WWOX: variants seen among roughly 807,000 people sequenced by gnomAD.
WWOX encodes the protein WW domain containing oxidoreductase, also known as WW domain-containing oxidoreductase.
A neutral mutation model predicts 46.2 loss-of-function variants in WWOX; 69 were observed. The observed-to-expected ratio is 1.49, with a 90% CI of 1.23 to 1.82. The LOEUF (loss-of-function observed/expected upper bound fraction) is 1.82, where lower values mean the gene tolerates loss of function less well. Ranked by LOEUF, WWOX falls within the 40% of genes most tolerant of loss-of-function variation. The probability of loss-of-function intolerance (pLI) is 0.00; values close to 1 mark genes in which losing one functional copy is unlikely to be tolerated. For missense variants in WWOX, 919 were observed against 542.6 expected, an observed-to-expected ratio of 1.69 and a Z score of -6.89; for synonymous variants, 359 against 202.6, an observed-to-expected ratio of 1.77 and a Z score of -6.56.
chr16:78,277,502 T>C (rs1199875833), intron 5 of WWOX, among the ~76,000 whole-genome samples: 2 of 151,450 alleles, frequency 1.3e-5, no homozygotes, highest in Admixed American at 6.6e-5. Flanking sequence ...CTGGGACAAA[T>C]AGAGGGAATA....
intron 8 of WWOX, among the ~76,000 whole-genome samples, chr16:79,157,826 G>C (rs1315328415): frequency 1.3e-5 from 2 of 152,200 alleles, no homozygotes; most frequent in Non-Finnish European, 2.9e-5. Flanking sequence ...GGTTCTGTGG[G>C]GAGGACTGAA....
chr16:78,733,979 G>A (rs561544864), intron 8 of WWOX, among the ~76,000 whole-genome samples: 1 of 151,888 alleles, frequency 6.6e-6, no homozygotes, highest in East Asian at 2.0e-4. Context: ...AGGATCCTCT[G>A]CACCCAGGTA....
At chr16:78,742,255 T>G (rs1002221186) in intron 8 of WWOX, among the ~76,000 whole-genome samples, 2 of 152,194 alleles carry the variant, frequency 1.3e-5, no homozygotes, top group African/African-American at 4.8e-5. Flanking sequence ...TAGTCCATGA[T>G]CAAGGCAGTT....
intron 5 of WWOX, among the ~76,000 whole-genome samples, chr16:78,295,713 A>AAAACAAACAAACAAAC (rs34994613): frequency 1.2e-4 from 18 of 151,380 alleles, no homozygotes; most frequent in Admixed American, 9.2e-4. Context: ...TCAGTCTTAA[A>AAAACAAACAAACAAAC]AAACAAACAA....
intron 6 of WWOX, among the ~76,000 whole-genome samples, chr16:78,406,347 TATA>T (rs1567553472): frequency 9.6e-6 from 1 of 104,034 alleles, no homozygotes; most frequent in African/African-American, 5.5e-5. Flanking sequence ...TATATATATA[TATA>T]TATATTTTAT....
chr16:78,179,187 C>A (rs2035449313), intron 5 of WWOX, among the ~76,000 whole-genome samples: 1 of 152,142 alleles, frequency 6.6e-6, no homozygotes, highest in Non-Finnish European at 1.5e-5. Context: ...CATGTATGAT[C>A]CATTGGGCTT....
chr16:78,634,003 G>C (rs1013091810), intron 8 of WWOX, among the ~76,000 whole-genome samples: 1 of 151,848 alleles, frequency 6.6e-6, no homozygotes, highest in Non-Finnish European at 1.5e-5. Flanking sequence ...AGACCAAAGA[G>C]GCAACCCTCG....
At chr16:78,633,349 G>A (rs906941821) in intron 8 of WWOX, among the ~76,000 whole-genome samples, 1 of 152,182 alleles carries the variant, frequency 6.6e-6, no homozygotes, top group Non-Finnish European at 1.5e-5. Context: ...TCGGGACAGG[G>A]CAGGGATTTG....
intron 5 of WWOX, among the ~76,000 whole-genome samples, chr16:78,195,593 G>A (rs542463227): frequency 6.6e-6 from 1 of 152,062 alleles, no homozygotes; most frequent in African/African-American, 2.4e-5. Context: ...AGGCTAAGGT[G>A]GGCGAATCAC....
At chr16:79,035,291 C>T (rs570413294) in intron 8 of WWOX, among the ~76,000 whole-genome samples, 1 of 152,206 alleles carries the variant, frequency 6.6e-6, no homozygotes, top group Non-Finnish European at 1.5e-5. Flanking sequence ...CCCAGTCCAT[C>T]TCTAATCCCT....
intron 8 of WWOX, among the ~76,000 whole-genome samples, chr16:78,878,237 A>C (rs2656625): frequency 6.6e-6 from 1 of 152,166 alleles, no homozygotes; most frequent in Non-Finnish European, 1.5e-5. Flanking sequence ...GCCTCATGAC[A>C]TTGGGCAGAT....
intron 8 of WWOX, among the ~76,000 whole-genome samples, chr16:78,715,380 C>A (rs929842782): frequency 2.0e-5 from 3 of 152,094 alleles, no homozygotes; most frequent in Non-Finnish European, 4.4e-5. Flanking sequence ...GTTATTCATT[C>A]TTCTGGGATC....
chr16:78,725,273 C>T (rs1421566263), intron 8 of WWOX, among the ~76,000 whole-genome samples: 1 of 150,416 alleles, frequency 6.6e-6, no homozygotes, highest in Non-Finnish European at 1.5e-5. Flanking sequence ...GTCCATTCAA[C>T]TTCTTTTTCT....
intron 8 of WWOX, among the ~76,000 whole-genome samples, chr16:78,602,623 G>C (rs879520578): frequency 7.9e-5 from 12 of 152,144 alleles, no homozygotes; most frequent in Non-Finnish European, 1.5e-4. Flanking sequence ...GAAATCTAAA[G>C]TAGCCATATC....
intron 6 of WWOX, among the ~76,000 whole-genome samples, chr16:78,405,795 C>G (rs13337144): frequency 0.051 from 7,756 of 152,110 alleles, 649 homozygotes; most frequent in African/African-American, 0.18. Flanking sequence ...CATTATCATT[C>G]CCTTTATAGG....
chr16:78,476,020 T>C (rs1347778075), intron 8 of WWOX, among the ~76,000 whole-genome samples: 1 of 152,174 alleles, frequency 6.6e-6, no homozygotes, highest in Admixed American at 6.5e-5. Flanking sequence ...CCCAACTCCT[T>C]ACTCATGCTT....
chr16:78,844,630 A>C (rs747240021), intron 8 of WWOX, among the ~76,000 whole-genome samples: 1 of 152,162 alleles, frequency 6.6e-6, no homozygotes, highest in Non-Finnish European at 1.5e-5. Flanking sequence ...TAAATCATAC[A>C]GTCAAATAAT....
rs576625105 is a variant in WWOX, at chr16:78,577,668, C to G, written c.1056+144916C>G. Among the ~76,000 whole-genome samples, 120 of 152,310 alleles carry G rather than the reference C, an allele frequency of 7.9e-4. 1 individual carries two copies. The highest frequency in any genetic ancestry group is 9.7e-4 in the Non-Finnish European group (66 of 68,032). On this transcript the variant is annotated intron_variant, in intron 8 of 8. Transcript: ENST00000566780. ...CATACATTCATCATTTTCACCTTCT[C>G]AAAGACCTTCTGGACAATTCCCCAA... is the stretch of plus-strand genomic sequence containing the variant.
intron 8 of WWOX, among the ~76,000 whole-genome samples, chr16:78,487,222 C>G (rs2084660657): frequency 6.6e-6 from 1 of 150,954 alleles, no homozygotes; most frequent in South Asian, 2.1e-4. Context: ...TTTCCCTTTT[C>G]TTTTTTTTTC....
Sources: gnomAD v4.1 joint callset for allele counts (sites outside exome capture counted in the v4.1 genomes callset) on GRCh38, gnomAD v4.1.1 for gene constraint, MANE v1.5 for transcripts, NCBI Gene and HGNC (gene_info 2026-07-23, HGNC 2026-07-21) for gene names.